The following MFSD1 variants were observed in gnomAD, a reference collection of about 807,000 sequenced individuals.
The protein encoded by MFSD1 is lysosomal dipeptide transporter MFSD1.
A neutral mutation model predicts 67.1 loss-of-function variants in MFSD1; 59 were observed. That is an observed-to-expected ratio of 0.88 (90% CI 0.71 to 1.09). MFSD1 has a LOEUF of 1.09. MFSD1 is among the 50% of genes least tolerant of loss of function. The pLI is 0.00. For missense variants in MFSD1, 552 were observed against 566.1 expected (o/e 0.97, Z 0.25); for synonymous variants, 213 against 200.3 (o/e 1.06, Z -0.54).
At chr3:158,803,229 A>C (rs933363246) in intron 1 of MFSD1, among the ~76,000 whole-genome samples, 1 of 152,192 alleles carries the variant, frequency 6.6e-6, no homozygotes, top group East Asian at 1.9e-4. Context: ...TGTGTTTTTC[A>C]GGAGGCTAGC....
intron 11 of MFSD1, 158 bp from the exon 12 acceptor site, chr3:158,823,270 T>C (rs2108232889): frequency 1.6e-6 from 1 of 625,880 alleles, no homozygotes; most frequent in South Asian, 1.8e-5. Flanking sequence ...CAGAGACTTG[T>C]TTTGTATATT....
intron 2 of MFSD1, among the ~76,000 whole-genome samples, chr3:158,804,718 T>G (rs1321970642): frequency 1.3e-5 from 2 of 152,256 alleles, no homozygotes; most frequent in Non-Finnish European, 2.9e-5. Context: ...GATAGCTTTT[T>G]GCCTTCTTAA....
At chr3:158,809,044 T>C in intron 5 of MFSD1, 135 bp from the exon 6 acceptor site, 1 of 569,754 alleles carries the variant, frequency 1.8e-6, no homozygotes. Flanking sequence ...CAAGCCCACC[T>C]GGATTCAAGG....
chr3:158,809,498 C>G (rs1729894983), intron 6 of MFSD1, among the ~76,000 whole-genome samples: 1 of 151,982 alleles, frequency 6.6e-6, no homozygotes, highest in South Asian at 2.1e-4. Flanking sequence ...TGGTTGTGTA[C>G]ATTCATTAGT....
At chr3:158,813,829 TGTA>T (rs1730166842) in intron 6 of MFSD1, 133 bp from the exon 7 acceptor site, 2 of 461,174 alleles carry the variant, frequency 4.3e-6, no homozygotes, top group Admixed American at 4.2e-5. Flanking sequence ...AATTTTTTCT[TGTA>T]GTGTCTTTTA....
In MFSD1 at chr3:158,802,076, C is replaced by A. The variant is rs764489192; in HGVS notation, c.-77C>A. Reference sequence around the variant, plus strand: ...CGGAGTCATGTGACCGCCGTCTTGACAGTGTTCCACGGGCGCTGCTTCCTG... The same window carrying A: ...CGGAGTCATGTGACCGCCGTCTTGAAAGTGTTCCACGGGCGCTGCTTCCTG... On this transcript the variant is annotated 5_prime_UTR_variant, in exon 1 of 16. Coordinates refer to ENST00000415822, the MANE Select transcript of MFSD1 (RefSeq NM_022736.4). 3.1e-5 allele frequency: 48 copies of A among 1,567,756 alleles called. No individual in the cohort carries two copies. Among genetic ancestry groups the A allele is most frequent in the Non-Finnish European group, 4.0e-5 (47 of 1,161,772 alleles).
At position 158,829,570 on chromosome 3, in the gene MFSD1, G is replaced by A. The variant is rs1731208162; in HGVS notation, c.*588G>A. ...ACCCTTTTCAATTTCTTATTTCTGT[G>A]TTACTGAGGACCCTAATCACTTAGG... On this transcript the variant is annotated 3_prime_UTR_variant, in exon 16 of 16. Transcript: ENST00000415822. The A allele has an allele frequency of 6.6e-6, 1 of 152,182 alleles. No individual in the cohort carries two copies. The highest frequency in any genetic ancestry group is 2.1e-4 in the South Asian group (1 of 4,832). 9.4% of individuals were successfully genotyped at this position (152,182 alleles called of 1,614,324 possible).
intron 15 of MFSD1, among the ~76,000 whole-genome samples, chr3:158,828,148 T>C (rs955595534): frequency 2.6e-5 from 4 of 152,230 alleles, no homozygotes; most frequent in African/African-American, 9.6e-5. Context: ...CTCTGATTCA[T>C]TTGGAAGAGA....
intron 3 of MFSD1, among the ~76,000 whole-genome samples, chr3:158,806,807 C>G (rs915225501): frequency 6.6e-6 from 1 of 152,088 alleles, no homozygotes; most frequent in Non-Finnish European, 1.5e-5. Flanking sequence ...CCTCCGGAAT[C>G]CCCTTAGAAG....
chr3:158,820,679 A>T (rs146671532), intron 9 of MFSD1, among the ~76,000 whole-genome samples: 1 of 152,294 alleles, frequency 6.6e-6, no homozygotes, highest in Non-Finnish European at 1.5e-5. Context: ...AGGGAAGCAA[A>T]CATTCTTCAT....
intron 3 of MFSD1, 27 bp from the exon 4 acceptor site, chr3:158,807,013 C>G: frequency 6.4e-7 from 1 of 1,571,080 alleles, no homozygotes; most frequent in Non-Finnish European, 8.6e-7. Context: ...TTCTTTTTCT[C>G]ATTCTCATTC....
intron 7 of MFSD1, among the ~76,000 whole-genome samples, chr3:158,815,599 A>AT (rs1730282987): frequency 6.6e-6 from 1 of 150,746 alleles, no homozygotes; most frequent in Non-Finnish European, 1.5e-5. Flanking sequence ...TATTTATATC[A>AT]TTTTCTGTTT....
At chr3:158,807,771 A>G (rs1729801102) in intron 5 of MFSD1, among the ~76,000 whole-genome samples, 1 of 152,260 alleles carries the variant, frequency 6.6e-6, no homozygotes, top group African/African-American at 2.4e-5. Flanking sequence ...TTAGAAAAGT[A>G]TAGACCATCG....
rs1345772274 is a variant in MFSD1 at position 158,802,073 on chromosome 3, T to C, written c.-80T>C. 6.4e-7 allele frequency: 1 copy of C among 1,564,646 alleles called. No homozygotes were observed. The highest frequency in any genetic ancestry group is 1.2e-5 in the South Asian group (1 of 86,050). On this transcript the variant is annotated 5_prime_UTR_variant, in exon 1 of 16. Coordinates refer to ENST00000415822, the MANE Select transcript of MFSD1 (RefSeq NM_022736.4). ...TCCCGGAGTCATGTGACCGCCGTCT[T>C]GACAGTGTTCCACGGGCGCTGCTTC... is the stretch of plus-strand genomic sequence containing the variant.
chr3:158,819,036 C>T (rs1730527168), intron 7 of MFSD1, among the ~76,000 whole-genome samples: 1 of 152,188 alleles, frequency 6.6e-6, no homozygotes, highest in South Asian at 2.1e-4. Context: ...TTTTATTAAG[C>T]TTCTTTTGGA....
In MFSD1 at chr3:158,813,972, C is replaced by T. The variant is rs1730174475; in HGVS notation, c.557C>T (p.Thr186Ile). ...TTTTCCCTTCTCATTTAGGGAAGTA[C>T]AGTAAACATGAACCTCATGGGATGG... is the stretch of plus-strand genomic sequence containing the variant. ...LQLSMARIGS[T>I]VNMNLMGWLY... The change falls in exon 7 of 16, where the codon ACA becomes ATA. Residue 186 changes from threonine (T) to isoleucine (I), a missense_variant. Transcript: ENST00000415822. The T allele has an allele frequency of 6.2e-7, 1 of 1,604,762 alleles. No individual in the cohort carries two copies. The highest frequency in any genetic ancestry group is 1.1e-5 in the South Asian group (1 of 90,766).
rs1357366139 is a variant in MFSD1 at position 158,829,479 on chromosome 3, GTC to G, written c.*501_*502del. 1 of 152,304 alleles carries G rather than the reference GTC, an allele frequency of 6.6e-6. No homozygotes were observed. The highest frequency in any genetic ancestry group is 1.5e-5 in the Non-Finnish European group (1 of 68,110). 9.4% of individuals were successfully genotyped at this position (152,304 alleles called of 1,614,324 possible). A position where few individuals can be genotyped will look rare whatever the true frequency, so the allele number is the denominator to read the frequency against. On this transcript the variant is annotated 3_prime_UTR_variant, in exon 16 of 16. Coordinates refer to ENST00000415822, the MANE Select transcript of MFSD1 (RefSeq NM_022736.4). ...GAATATGTGAAGATGTTTTTATGAA[GTC>G]TCTTTCTGATCACGAACAATAGCTT...
At chr3:158,813,191 A>G (rs1053683778) in intron 6 of MFSD1, among the ~76,000 whole-genome samples, 9 of 146,988 alleles carry the variant, frequency 6.1e-5, no homozygotes, top group Admixed American at 1.4e-4. Flanking sequence ...TCTGTCACCC[A>G]GGCTAGAGTG....
intron 7 of MFSD1, among the ~76,000 whole-genome samples, chr3:158,815,050 C>G (rs1256192967): frequency 1.3e-5 from 2 of 152,182 alleles, no homozygotes; most frequent in Non-Finnish European, 2.9e-5. Flanking sequence ...CCGTTGCACT[C>G]CAGCCTGGAC....
Sources: allele counts gnomAD v4.1 joint callset (sites outside exome capture counted in the v4.1 genomes callset), GRCh38; gene constraint gnomAD v4.1.1; transcripts MANE v1.5; gene names NCBI Gene and HGNC (gene_info 2026-07-23, HGNC 2026-07-21).